ZC3H12B: variants seen among roughly 807,000 people sequenced by gnomAD.
ZC3H12B encodes zinc finger CCCH-type containing 12B, also known as probable ribonuclease ZC3H12B.
A neutral mutation model predicts 43.9 loss-of-function variants in ZC3H12B; 7 were observed. The observed-to-expected ratio is 0.16, with a 90% CI of 0.09 to 0.30. The LOEUF (loss-of-function observed/expected upper bound fraction) is 0.30, where lower values mean the gene tolerates loss of function less well. Ranked by LOEUF, ZC3H12B falls within the 10% of genes least tolerant of loss-of-function variation. ZC3H12B has a pLI of 1.00. For synonymous variants in ZC3H12B, 222 were observed against 241.7 expected, an observed-to-expected ratio of 0.92 and a Z score of 0.76; for missense variants, 475 against 670.2, an observed-to-expected ratio of 0.71 and a Z score of 3.22.
chrX:65,244,397 G>C, the ZC3H12B span, among the ~76,000 whole-genome samples: 1 of 110,385 alleles, frequency 9.1e-6, no homozygotes, highest in African/African-American at 3.3e-5. Context: ...TATGCTCTTG[G>C]AAAAATGGAT....
chrX:65,476,093 T>A (rs974867634), intron 3 of ZC3H12B, among the ~76,000 whole-genome samples: 1 of 112,421 alleles, frequency 8.9e-6, no homozygotes, highest in Non-Finnish European at 1.9e-5. Flanking sequence ...ATAATTGGTC[T>A]CAGTGAAGAC....
At chrX:65,140,938 G>A in the ZC3H12B span, among the ~76,000 whole-genome samples, 2 of 111,270 alleles carry the variant, frequency 1.8e-5, no homozygotes, top group Admixed American at 9.5e-5. Flanking sequence ...TTCTGATTTC[G>A]AGGCTTCTCT....
the ZC3H12B span, among the ~76,000 whole-genome samples, chrX:65,173,110 G>C: frequency 2.7e-4 from 30 of 111,673 alleles, no homozygotes; most frequent in Admixed American, 2.9e-3. Flanking sequence ...GCAGAGATTT[G>C]TAGTTCTCTT....
At chrX:65,327,469 C>T in the ZC3H12B span, among the ~76,000 whole-genome samples, 4 of 111,052 alleles carry the variant, frequency 3.6e-5, no homozygotes, top group Admixed American at 9.7e-5. Flanking sequence ...ACAAAAACCA[C>T]GAAACAAGCC....
chrX:65,410,444 C>G (rs1049815049), intron 3 of ZC3H12B, among the ~76,000 whole-genome samples: 1 of 111,242 alleles, frequency 9.0e-6, no homozygotes, highest in African/African-American at 3.3e-5. Context: ...CACAGGCAAC[C>G]AAAGCAAAAA....
chrX:65,417,972 T>C (rs1469138447), intron 3 of ZC3H12B, among the ~76,000 whole-genome samples: 1 of 112,614 alleles, frequency 8.9e-6, no homozygotes, highest in African/African-American at 3.2e-5. Context: ...CTACTTCATG[T>C]CTTTCACCTA....
upstream of ZC3H12B, among the ~76,000 whole-genome samples, chrX:65,362,848 C>T (rs1485583938): frequency 9.0e-6 from 1 of 111,464 alleles, no homozygotes; most frequent in East Asian, 2.8e-4. Context: ...AGGATCTGCA[C>T]CTTATCAACC....
At chrX:65,125,179 G>T in the ZC3H12B span, among the ~76,000 whole-genome samples, 72 of 111,416 alleles carry the variant, frequency 6.5e-4, no homozygotes, top group African/African-American at 2.3e-3. Flanking sequence ...TTGGTAAGTT[G>T]TGACACTATT....
chrX:65,476,846 T>G (rs778560419), intron 3 of ZC3H12B, among the ~76,000 whole-genome samples: 1 of 107,922 alleles, frequency 9.3e-6, no homozygotes, highest in African/African-American at 3.4e-5. Flanking sequence ...TTTTTTTTTT[T>G]TGTCTCACTC....
the ZC3H12B span, among the ~76,000 whole-genome samples, chrX:65,213,944 C>CAT: frequency 1.9e-5 from 2 of 105,935 alleles, no homozygotes; most frequent in East Asian, 2.9e-4. Context: ...CACACACACA[C>CAT]ATATATAACA....
At chrX:65,099,639 G>A in the ZC3H12B span, among the ~76,000 whole-genome samples, 1 of 111,178 alleles carries the variant, frequency 9.0e-6, no homozygotes, top group Non-Finnish European at 1.9e-5. Context: ...AGAGATTCCT[G>A]GCTGTTGAAA....
the ZC3H12B span, among the ~76,000 whole-genome samples, chrX:65,320,482 T>C: frequency 8.9e-6 from 1 of 112,058 alleles, no homozygotes; most frequent in Non-Finnish European, 1.9e-5. Context: ...AAAAGCAATT[T>C]GTGGTTTCAG....
intron 3 of ZC3H12B, among the ~76,000 whole-genome samples, chrX:65,454,341 C>G (rs376563636): frequency 1.8e-5 from 2 of 112,550 alleles, no homozygotes; most frequent in Admixed American, 9.4e-5. Context: ...TATCCCACGC[C>G]TGGCTCGGAG....
the ZC3H12B span, among the ~76,000 whole-genome samples, chrX:65,333,107 G>T: frequency 9.0e-6 from 1 of 111,180 alleles, no homozygotes; most frequent in Non-Finnish European, 1.9e-5. Flanking sequence ...ATATAAACTT[G>T]GGGCTCCTGG....
chrX:65,362,887 G>A (rs1304031513), upstream of ZC3H12B, among the ~76,000 whole-genome samples: 2 of 111,188 alleles, frequency 1.8e-5, no homozygotes, highest in Non-Finnish European at 3.8e-5. Flanking sequence ...ACCCCGTGGT[G>A]CCAAGCCCAT....
At chrX:65,199,943 T>C in the ZC3H12B span, among the ~76,000 whole-genome samples, 1 of 110,939 alleles carries the variant, frequency 9.0e-6, no homozygotes, top group Non-Finnish European at 1.9e-5. Flanking sequence ...TGGAGTGATT[T>C]ATATTTCTCT....
At chrX:65,499,916 C>T (rs749325470) in exon 4 of ZC3H12B, 17 of 1,209,640 alleles carry the variant, frequency 1.4e-5, no homozygotes, top group East Asian at 3.0e-5. Flanking sequence ...TAGGACGCCA[C>T]GGCCCAAGCC....
intron 3 of ZC3H12B, among the ~76,000 whole-genome samples, chrX:65,471,445 A>ATTTTTTTTTTTTTTT: frequency 1.6e-5 from 1 of 61,082 alleles, no homozygotes; most frequent in Non-Finnish European, 3.0e-5. Flanking sequence ...TTGGTTTGTG[A>ATTTTTTTTTTTTTTT]TTTTTTTTTT....
chrX:65,270,983 A>G, the ZC3H12B span: 1 of 112,510 alleles, frequency 8.9e-6, no homozygotes, highest in African/African-American at 3.2e-5. Flanking sequence ...GGAAACATCT[A>G]CATGGCAAAA....
Sources: allele counts gnomAD v4.1 joint callset (sites outside exome capture counted in the v4.1 genomes callset), GRCh38; gene constraint gnomAD v4.1.1; transcripts MANE v1.5; gene names NCBI Gene and HGNC (gene_info 2026-07-23, HGNC 2026-07-21).